The following ANKK1 variants were observed in gnomAD, a reference collection of about 807,000 sequenced individuals.
ANKK1 encodes ankyrin repeat and protein kinase domain-containing protein 1.
In ANKK1, 37 loss-of-function variants were observed where a neutral mutation model predicts 37.6. The observed-to-expected ratio is 0.98, with a 90% CI of 0.76 to 1.29. The LOEUF is 1.29. Among genes scored for constraint, ANKK1 ranks in the 50% most tolerant of loss-of-function variants. ANKK1 has a pLI of 0.00. For synonymous variants in ANKK1, 415 were observed against 418.7 expected, an observed-to-expected ratio of 0.99 and a Z score of 0.11; for missense variants, 1,019 against 990.6, an observed-to-expected ratio of 1.03 and a Z score of -0.39.
At position 113,397,317 on chromosome 11, in the gene ANKK1, A is replaced by G. The variant is rs1950647237; in HGVS notation, c.932A>G (p.Lys311Arg). ...GCCCTGGCCAGGAAGGTGTCCTGCA[A>G]GCTGTCGCTGCGCCAGCCCGGGGAG... ...SKALARKVSC[K>R]LSLRQPGEVN... Residue 311 changes from lysine to arginine, a missense_variant, in exon 6 of 8, where the codon AAG becomes AGG. Transcript: ENST00000303941. 1 of 1,612,540 alleles carries G rather than the reference A, an allele frequency of 6.2e-7. No homozygotes were observed. Among genetic ancestry groups the G allele is most frequent in the Admixed American group, 1.7e-5 (1 of 59,992 alleles).
intron 1 of ANKK1, among the ~76,000 whole-genome samples, chr11:113,391,288 T>G (rs1950585252): frequency 6.6e-6 from 1 of 152,154 alleles, no homozygotes; most frequent in Non-Finnish European, 1.5e-5. Context: ...TGCCTGGCAT[T>G]GGGGACAAAT....
Position 113,393,614 on chromosome 11 carries a change from G to A in ANKK1, c.319G>A (p.Glu107Lys), listed in dbSNP as rs1275482674. The change falls in exon 2 of 8, where the codon GAG becomes AAG. Residue 107 changes from glutamate (E) to lysine (K), a missense_variant. Physicochemically the swap from Glu to Lys is moderately conservative, Grantham distance 56. Transcript: ENST00000303941. ...GGAGTTTATGGCCAACGGCTCCCTG[G>A]AGAAGGTGCTGTCCACCCACAGCCT... Reference protein sequence around the residue: ...VMEFMANGSLEKVLSTHSLCW... With the variant: ...VMEFMANGSLKKVLSTHSLCW... The A allele has an allele frequency of 1.9e-6, 3 of 1,613,960 alleles. No homozygotes were observed. Among genetic ancestry groups the A allele is most frequent in the East Asian group, 2.2e-5 (1 of 44,884 alleles).
intron 7 of ANKK1, among the ~76,000 whole-genome samples, chr11:113,398,701 T>A (rs1332444160): frequency 6.6e-6 from 1 of 152,084 alleles, no homozygotes; most frequent in Non-Finnish European, 1.5e-5. Flanking sequence ...AATCAGGATT[T>A]GCACTCGGGC....
Position 113,399,459 on chromosome 11 carries a change from C to A in ANKK1, c.1490C>A (p.Pro497His), listed in dbSNP as rs754400717. 5.0e-6 allele frequency: 8 copies of A among 1,594,618 alleles called. No homozygotes were observed. The highest frequency in any genetic ancestry group is 1.3e-5 in the African/African-American group (1 of 74,648). The change falls in exon 8 of 8, where the codon CCC becomes CAC. Residue 497 changes from proline (P) to histidine (H), a missense_variant. Pro to His is a moderately conservative substitution (Grantham distance 77). Transcript: ENST00000303941. Reference protein sequence around the residue: ...PNLHEAEGKTPLHVAAYFGHV... With the variant: ...PNLHEAEGKTHLHVAAYFGHV... ...CTGCATGAGGCTGAGGGCAAGACCC[C>A]CCTCCATGTGGCCGCCTACTTTGGC...
At chr11:113,394,659 G>T in intron 2 of ANKK1, 2 of 592,712 alleles carry the variant, frequency 3.4e-6, no homozygotes, top group Admixed American at 2.2e-5. Flanking sequence ...AGTGCTTTTT[G>T]CATGGCACCT....
intron 5 of ANKK1, 120 bp downstream of exon 5, chr11:113,396,342 CTT>C (rs34716641): frequency 0.07 from 56,912 of 814,896 alleles, no homozygotes; most frequent in Middle Eastern, 0.085. Flanking sequence ...CCTAGAAGGA[CTT>C]TTTTTTTTTT....
At chr11:113,396,322 G>A in intron 5 of ANKK1, 100 bp downstream of exon 5, 2 of 1,430,898 alleles carry the variant, frequency 1.4e-6, no homozygotes, top group South Asian at 1.4e-5. Context: ...AGACACTTTT[G>A]GTACTACGGC....
intron 5 of ANKK1, among the ~76,000 whole-genome samples, chr11:113,396,504 A>G (rs1950640527): frequency 6.6e-6 from 1 of 151,736 alleles, no homozygotes. Flanking sequence ...TGCCTGGCTA[A>G]TTTTTAGATT....
chr11:113,393,773 A>T lies in ANKK1; in HGVS notation c.478A>T (p.Lys160Ter), dbSNP rs1429139129. The T allele has an allele frequency of 3.8e-6, 6 of 1,599,014 alleles. No homozygotes were observed. Among genetic ancestry groups the T allele is most frequent in the Admixed American group, 1.7e-5 (1 of 59,726 alleles). ...NILLDSNMHVKISDFGLSKWM... is the reference protein window; with the variant it reads ...NILLDSNMHV ...ACTCCTGGACAGCAACATGCATGTC[A>T]AAGTAAGGGCTCTGGCCAATCCTCC... Residue 160 changes from lysine to a stop codon, truncating the protein, a stop_gained and splice_region_variant, in exon 2 of 8, where the codon AAA (lysine) becomes TAA (stop). Coordinates refer to ENST00000303941, the MANE Select transcript of ANKK1 (RefSeq NM_178510.2). LOFTEE classifies it high-confidence loss of function.
In ANKK1 at chr11:113,387,969, G is replaced by C; in HGVS notation, c.85G>C (p.Ala29Pro). ...CTTCGAGGGCGACTGGCGCCTAGTG[G>C]CCAGCGGCGGCTTCAGCCAGGTGTT... ...DDFEGDWRLV[A>P]SGGFSQVFQA... Residue 29 changes from alanine to proline, a missense_variant, in exon 1 of 8, where the codon GCC (alanine) becomes CCC (proline). Physicochemically the swap from Ala to Pro is conservative, Grantham distance 27. Transcript: ENST00000303941. The C allele has an allele frequency of 6.4e-7, 1 of 1,571,618 alleles. No individual in the cohort carries two copies. The highest frequency in any genetic ancestry group is 1.2e-5 in the South Asian group (1 of 86,104).
In ANKK1 at chr11:113,393,470, C is replaced by G. The variant is rs200473079; in HGVS notation, c.186-11C>G. The G allele has an allele frequency of 6.1e-5, 98 of 1,603,700 alleles. No individual in the cohort carries two copies. In the African/African-American group the frequency reaches 9.8e-4, roughly 16 times the overall value. On this transcript the variant is annotated splice_polypyrimidine_tract_variant and intron_variant, in intron 1 of 7. Transcript: ENST00000303941. Reference sequence around the variant, plus strand: ...TCACCCCCTTCCATATCTTGCTCCCCCTCTCCATAGCTCTGATGTGAATTA... The same window carrying G: ...TCACCCCCTTCCATATCTTGCTCCCGCTCTCCATAGCTCTGATGTGAATTA...
At chr11:113,388,606 G>GCCCA (rs1950565093) in intron 1 of ANKK1, among the ~76,000 whole-genome samples, 1 of 152,208 alleles carries the variant, frequency 6.6e-6, no homozygotes, top group South Asian at 2.1e-4. Flanking sequence ...GATGGAGACT[G>GCCCA]CCCGGCCTGA....
At chr11:113,395,289 T>C (rs1387009092) in intron 3 of ANKK1, 70 bp from the exon 4 acceptor site, 1 of 1,587,484 alleles carries the variant, frequency 6.3e-7, no homozygotes, top group Non-Finnish European at 8.6e-7. Context: ...CCCCCGACCC[T>C]GCCACCCCGG....
intron 1 of ANKK1, among the ~76,000 whole-genome samples, chr11:113,391,398 A>G (rs1950585967): frequency 6.6e-6 from 1 of 152,236 alleles, no homozygotes. Flanking sequence ...TAGATTTTAA[A>G]ATATGACTTT....
Position 113,395,017 on chromosome 11 carries a change from A to G in ANKK1, c.569A>G (p.Tyr190Cys). Residue 190 changes from tyrosine to cysteine, a missense_variant, in exon 3 of 8, where the codon TAC (tyrosine) becomes TGC (cysteine). Transcript: ENST00000303941. The stretch of plus-strand genomic sequence containing the variant: ...TCGGCTCTGCGGGGCATGCTCAGCT[A>G]CATCCCCCCTGAGATGTTCCTGGAG... ...ERSALRGMLS[Y>C]IPPEMFLESN... The G allele has an allele frequency of 1.2e-6, 2 of 1,613,492 alleles. No homozygotes were observed. Among genetic ancestry groups the G allele is most frequent in the Non-Finnish European group, 1.7e-6 (2 of 1,179,684 alleles).
rs1248385677 is a variant in ANKK1 at position 113,397,990 on chromosome 11, A to T, written c.968A>T (p.Asp323Val). 12 of 1,563,014 alleles carry T rather than the reference A, an allele frequency of 7.7e-6. No homozygotes were observed. Among genetic ancestry groups the T allele is most frequent in the Non-Finnish European group, 1.0e-5 (12 of 1,153,236 alleles). The change falls in exon 7 of 8, where the codon GAC (aspartate) becomes GTC (valine). Residue 323 changes from aspartate to valine, a missense_variant. Asp to Val is a radical substitution (Grantham distance 152). Coordinates refer to ENST00000303941, the MANE Select transcript of ANKK1 (RefSeq NM_178510.2). Reference sequence around the variant, plus strand: ...GTTATGCCTCCCCAGGTTAATGAGGACATCAGCCAGGAACTGATGGACAGT... The same window carrying T: ...GTTATGCCTCCCCAGGTTAATGAGGTCATCAGCCAGGAACTGATGGACAGT... ...SLRQPGEVNE[D>V]ISQELMDSDS...
At position 113,398,997 on chromosome 11, in the gene ANKK1, T is replaced by C. The variant is rs202009146; in HGVS notation, c.1028T>C (p.Leu343Pro). The C allele has an allele frequency of 1.2e-4, 183 of 1,591,292 alleles. No homozygotes were observed. Among genetic ancestry groups the C allele is most frequent in the Non-Finnish European group, 1.6e-5 (19 of 1,168,760 alleles). Residue 343 changes from leucine to proline, a missense_variant, in exon 8 of 8, where the codon CTC becomes CCC. Physicochemically the swap from Leu to Pro is moderately conservative, Grantham distance 98. Transcript: ENST00000303941. ...AACTACCTGAAGCGGGCCCTTCAGC[T>C]CTCCGACCGTAAGAATTTGGTCCCG... Reference protein sequence around the residue: ...SGNYLKRALQLSDRKNLVPRD... With the variant: ...SGNYLKRALQPSDRKNLVPRD...
chr11:113,395,956 GC>G, intron 4 of ANKK1, 110 bp from the exon 5 acceptor site: 2 of 1,248,592 alleles, frequency 1.6e-6, no homozygotes, highest in South Asian at 1.4e-5. Context: ...CATTTGTGGA[GC>G]CCCCACTGCG....
At chr11:113,389,370 T>A (rs995373569) in intron 1 of ANKK1, among the ~76,000 whole-genome samples, 6 of 152,182 alleles carry the variant, frequency 3.9e-5, no homozygotes, top group African/African-American at 1.4e-4. Context: ...CTTTACTAGA[T>A]CCTCTTTCCA....
Sources: gnomAD v4.1 joint callset for allele counts (sites outside exome capture counted in the v4.1 genomes callset) on GRCh38, gnomAD v4.1.1 for gene constraint, MANE v1.5 for transcripts, NCBI Gene and HGNC (gene_info 2026-07-23, HGNC 2026-07-21) for gene names.